Variants in PARP9 observed in about 807,000 individuals in gnomAD.
The protein encoded by PARP9 is protein mono-ADP-ribosyltransferase PARP9.
A neutral mutation model predicts 68.8 loss-of-function variants in PARP9; 48 were observed. The observed-to-expected ratio is 0.70, with a 90% CI of 0.55 to 0.89. The LOEUF is 0.89. Among genes scored for constraint, PARP9 ranks in the 40% least tolerant of loss-of-function variants. The pLI is 0.00. For missense variants in PARP9, 806 were observed against 969.3 expected (o/e 0.83, Z 2.24); for synonymous variants, 309 against 333.8 (o/e 0.93, Z 0.81).
intron 4 of PARP9, among the ~76,000 whole-genome samples, chr3:122,554,773 T>C (rs1252708246): frequency 1.3e-5 from 2 of 152,214 alleles, no homozygotes. Flanking sequence ...AGTCTTGCTC[T>C]GTTGCCCTGG....
Position 122,552,532 on chromosome 3 carries a change from G to A in PARP9, c.993C>T (p.Ala331=). ...AGVEMKSEFL[A]TKAKQFQRSQ... ...ACCGTTGAAACTGTTTAGCCTTTGTGGCAAGAAATTCCGATTTCATTTCAA... is the reference window on the plus strand; with the variant it reads ...ACCGTTGAAACTGTTTAGCCTTTGTAGCAAGAAATTCCGATTTCATTTCAA... Residue 331 remains alanine (A), a synonymous_variant, in exon 5 of 11, where the codon GCC becomes GCT. Transcript: ENST00000682323. The A allele has an allele frequency of 1.2e-6, 2 of 1,614,024 alleles. No individual in the cohort carries two copies. Among genetic ancestry groups the A allele is most frequent in the Non-Finnish European group, 8.5e-7 (1 of 1,179,986 alleles).
chr3:122,542,359 GACTAC>G (rs1031317199), intron 7 of PARP9, among the ~76,000 whole-genome samples: 1 of 149,654 alleles, frequency 6.7e-6, no homozygotes, highest in African/African-American at 2.5e-5. Flanking sequence ...AAAGCACTGG[GACTAC>G]AGGCATGAGT....
At chr3:122,562,919 C>G (rs1364349648) in intron 1 of PARP9, among the ~76,000 whole-genome samples, 1 of 152,202 alleles carries the variant, frequency 6.6e-6, no homozygotes, top group Non-Finnish European at 1.5e-5. Context: ...ACACAGGTCA[C>G]TTCACACAGG....
chr3:122,550,531 G>A, intron 6 of PARP9, 53 bp downstream of exon 6: 1 of 1,252,958 alleles, frequency 8.0e-7, no homozygotes, highest in Non-Finnish European at 1.1e-6. Context: ...AGATGTTGCT[G>A]AATGAATGAA....
At chr3:122,556,170 A>AAAAAAAAAAAAAAAAC (rs2079643053) in intron 3 of PARP9, 49 bp from the exon 4 acceptor site, 1 of 1,143,286 alleles carries the variant, frequency 8.7e-7, no homozygotes, top group Non-Finnish European at 1.2e-6. Flanking sequence ...AAAAAAAAAA[A>AAAAAAAAAAAAAAAAC]AAAGCACAGT....
chr3:122,540,182 C>T (rs2078085186), intron 8 of PARP9, among the ~76,000 whole-genome samples: 2 of 152,326 alleles, frequency 1.3e-5, no homozygotes, highest in South Asian at 4.1e-4. Flanking sequence ...TTCCCCATGG[C>T]TTGGGCTTGA....
At chr3:122,558,297 G>C (rs575877380) in intron 3 of PARP9, 137 bp downstream of exon 3, 1 of 1,604,850 alleles carries the variant, frequency 6.2e-7, no homozygotes, top group Admixed American at 1.7e-5. Flanking sequence ...AAGCATGTGC[G>C]GGGGTCCCCA....
At chr3:122,532,137 A>T (rs1043628407) in intron 10 of PARP9, 2 of 985,296 alleles carry the variant, frequency 2.0e-6, no homozygotes, top group African/African-American at 1.7e-5. Context: ...TGGCTGGAGA[A>T]GTCTCTGGAG....
At chr3:122,531,681 T>C (rs905555727) in intron 10 of PARP9, 1 of 152,298 alleles carries the variant, frequency 6.6e-6, no homozygotes, top group Admixed American at 6.5e-5. Context: ...GAAGAGAGTA[T>C]GGTCTTGAAA....
At chr3:122,534,129 C>A in intron 10 of PARP9, 1 of 904,186 alleles carries the variant, frequency 1.1e-6, no homozygotes, top group Non-Finnish European at 1.3e-6. Flanking sequence ...GGTAAGAGAC[C>A]AAAATCTTGA....
At chr3:122,542,192 CTCT>C (rs970937166) in intron 7 of PARP9, among the ~76,000 whole-genome samples, 1 of 149,980 alleles carries the variant, frequency 6.7e-6, no homozygotes, top group African/African-American at 2.5e-5. Context: ...CTTCTTCTTC[CTCT>C]TCTTCCTTTC....
In PARP9 at chr3:122,558,469, T is replaced by C. The variant is rs748987760; in HGVS notation, c.16-2A>G. On this transcript the variant is annotated splice_acceptor_variant, in intron 2 of 10. Coordinates refer to ENST00000682323, the MANE Select transcript of PARP9 (RefSeq NM_001146105.2). LOFTEE classifies it high-confidence loss of function. ...ATTGTAAGCTGCTGCTCCGGCCACC[T>C]GTGAAAAATGAGAATGGCTTTCTTA... 3 of 1,613,672 alleles carry C rather than the reference T, an allele frequency of 1.9e-6. No individual in the cohort carries two copies. The highest frequency in any genetic ancestry group is 2.5e-6 in the Non-Finnish European group (3 of 1,179,750).
chr3:122,564,411 CCCGACGCGCAGA>C, upstream of PARP9: 1 of 1,602,134 alleles, frequency 6.2e-7, no homozygotes, highest in Admixed American at 1.7e-5. Context: ...CCCGCGCCCT[CCCGACGCGCAGA>C]GCCATGGCCT....
intron 10 of PARP9, chr3:122,532,388 C>G: frequency 3.0e-6 from 3 of 985,174 alleles, no homozygotes; most frequent in Non-Finnish European, 3.6e-6. Flanking sequence ...CCAGACAACC[C>G]TCCCCACAAT....
intron 10 of PARP9, chr3:122,532,773 G>A (rs897589139): frequency 6.6e-6 from 1 of 152,212 alleles, no homozygotes; most frequent in Non-Finnish European, 1.5e-5. Context: ...TTAAAGAATA[G>A]GGGTTTGTAG....
At chr3:122,548,568 G>A (rs1391528164) in intron 6 of PARP9, among the ~76,000 whole-genome samples, 3 of 152,168 alleles carry the variant, frequency 2.0e-5, no homozygotes, top group African/African-American at 7.2e-5. Context: ...TGAGAATAAA[G>A]CAGAGATGGT....
At chr3:122,549,258 C>T (rs181354256) in intron 6 of PARP9, among the ~76,000 whole-genome samples, 28 of 152,246 alleles carry the variant, frequency 1.8e-4, no homozygotes, top group Middle Eastern at 3.4e-3. Flanking sequence ...TCAGATGATC[C>T]GCCTGCCTCA....
chr3:122,536,753 C>T (rs796629827), intron 9 of PARP9, 181 bp downstream of exon 9: 10 of 673,620 alleles, frequency 1.5e-5, no homozygotes, highest in South Asian at 6.8e-5. Flanking sequence ...TCCTACCTCC[C>T]GATTCCAACT....
chr3:122,543,703 C>T (rs2078452561), intron 7 of PARP9, among the ~76,000 whole-genome samples: 1 of 152,212 alleles, frequency 6.6e-6, no homozygotes, highest in Non-Finnish European at 1.5e-5. Context: ...CTTGACCTCC[C>T]CGGGCTTAGG....
Sources: gnomAD v4.1 joint callset for allele counts (sites outside exome capture counted in the v4.1 genomes callset) on GRCh38, gnomAD v4.1.1 for gene constraint, MANE v1.5 for transcripts, NCBI Gene and HGNC (gene_info 2026-07-23, HGNC 2026-07-21) for gene names.